HS2ST1: variants seen among roughly 807,000 people sequenced by gnomAD.
HS2ST1 encodes heparan sulfate 2-O-sulfotransferase 1, also known as 2-O-sulfotransferase.
HS2ST1 carries 18 observed loss-of-function variants against 42.9 expected under a neutral mutation model. That is an observed-to-expected ratio of 0.42 (90% CI 0.29 to 0.62). The LOEUF is 0.62. HS2ST1 is among the 20% of genes least tolerant of loss of function. The pLI, the probability that HS2ST1 is intolerant of heterozygous loss-of-function variation, is 0.21. For synonymous variants in HS2ST1, 146 were observed against 152.9 expected, an observed-to-expected ratio of 0.95 and a Z score of 0.33; for missense variants, 334 against 433.8, an observed-to-expected ratio of 0.77 and a Z score of 2.04.
At chr1:87,097,543 G>A (rs538254029) in intron 4 of HS2ST1, among the ~76,000 whole-genome samples, 14 of 152,172 alleles carry the variant, frequency 9.2e-5, no homozygotes, top group African/African-American at 2.9e-4. Context: ...ACAGGCGCGT[G>A]CTACCACGCC....
In HS2ST1 at chr1:87,027,735, T is replaced by A. The variant is rs1650124970; in HGVS notation, c.125-45199T>A. On this transcript the variant is annotated intron_variant, in intron 1 of 6. Transcript: ENST00000370550. ...GACAGGGTCTCACTGTCACCCAGAC[T>A]GGAATGCAGTGGCACGATCTTGGCT... 4.6e-5 allele frequency among the ~76,000 whole-genome samples: 7 copies of A among 152,350 alleles called. No homozygotes were observed. In the South Asian group the frequency reaches 1.4e-3, roughly 32 times the overall value.
At chr1:87,098,035 G>C (rs1348369874) in intron 5 of HS2ST1, 100 bp downstream of exon 5, 8 of 1,537,460 alleles carry the variant, frequency 5.2e-6, no homozygotes, top group Admixed American at 2.1e-5. Flanking sequence ...ATCGGTGAAA[G>C]ACTAGACTAA....
intron 6 of HS2ST1, 131 bp downstream of exon 6, chr1:87,103,720 C>T (rs575891220): frequency 1.8e-4 from 124 of 696,530 alleles, no homozygotes; most frequent in Non-Finnish European, 2.6e-4. Context: ...GGTATCTTGT[C>T]GGTTTCTGCT....
intron 1 of HS2ST1, among the ~76,000 whole-genome samples, chr1:86,939,225 TTTCATATCACAC>T (rs1269237159): frequency 6.6e-6 from 1 of 152,216 alleles, no homozygotes; most frequent in Admixed American, 6.5e-5. Context: ...AAAACAAATG[TTTCATATCACAC>T]TTACTTTAGA....
At chr1:86,918,396 A>G (rs1305548725) in intron 1 of HS2ST1, among the ~76,000 whole-genome samples, 3 of 152,126 alleles carry the variant, frequency 2.0e-5, no homozygotes, top group African/African-American at 7.2e-5. Context: ...ATAATATTCC[A>G]AAGTATGCAT....
Position 87,004,493 on chromosome 1 carries a change from ATATATT to A in HS2ST1, c.125-68435_125-68430del, listed in dbSNP as rs1415594547. Among the ~76,000 whole-genome samples, 3 of 152,184 alleles carry A rather than the reference ATATATT, an allele frequency of 2.0e-5. No homozygotes were observed. In the East Asian group the frequency reaches 5.8e-4, roughly 29 times the overall value. ...ATTTTTTTCCTTACCCTTTTGACAT[ATATATT>A]TATATATAACATTGTTAAGGGGCTG... On this transcript the variant is annotated intron_variant, in intron 1 of 6. Transcript: ENST00000370550.
intron 1 of HS2ST1, among the ~76,000 whole-genome samples, chr1:87,059,984 C>T (rs946399086): frequency 1.3e-5 from 2 of 152,234 alleles, no homozygotes; most frequent in Admixed American, 1.3e-4. Context: ...TATAGTAACC[C>T]ATAAATAAGT....
intron 1 of HS2ST1, among the ~76,000 whole-genome samples, chr1:87,011,961 T>C (rs1376391816): frequency 2.0e-5 from 3 of 152,252 alleles, no homozygotes; most frequent in African/African-American, 7.2e-5. Context: ...GTTCAATTTA[T>C]TTTTTGTATT....
chr1:86,957,493 G>GTC (rs1163121022), intron 1 of HS2ST1, among the ~76,000 whole-genome samples: 1 of 152,110 alleles, frequency 6.6e-6, no homozygotes, highest in Non-Finnish European at 1.5e-5. Context: ...AATTGCTAAG[G>GTC]TCTCTGCTCT....
chr1:87,098,252 T>C (rs531534270), intron 5 of HS2ST1: 2 of 1,029,998 alleles, frequency 1.9e-6, no homozygotes, highest in East Asian at 9.7e-5. Flanking sequence ...ATAAATCTTA[T>C]TTTGTCCAAA....
Position 87,046,301 on chromosome 1 carries a change from CTG to C in HS2ST1, c.125-26631_125-26630del, listed in dbSNP as rs1650663742. Reference sequence around the variant, plus strand: ...AGCCAACCCAGAGAACCTCTCCTGACTGTACAATTTGTAACACACCTTCAGAA... The same window carrying C: ...AGCCAACCCAGAGAACCTCTCCTGACTACAATTTGTAACACACCTTCAGAA... On this transcript the variant is annotated intron_variant, in intron 1 of 6. Transcript: ENST00000370550. 14 of 732,604 alleles carry C rather than the reference CTG, an allele frequency of 1.9e-5. 1 individual carries two copies. Among genetic ancestry groups the C allele is most frequent in the South Asian group, 1.2e-4 (9 of 74,366 alleles). The allele number at this position is 732,604 out of a possible 1,614,324, so 45.4% of individuals were successfully genotyped here.
chr1:87,005,515 A>G lies in HS2ST1; in HGVS notation c.125-67419A>G, dbSNP rs149679761. 1.8e-3 allele frequency among the ~76,000 whole-genome samples: 279 copies of G among 152,302 alleles called. 3 individuals are homozygous for G. Among genetic ancestry groups the G allele is most frequent in the African/African-American group, 5.6e-3 (233 of 41,582 alleles). On this transcript the variant is annotated intron_variant, in intron 1 of 6. Transcript: ENST00000370550. Reference sequence around the variant, plus strand: ...TTTAGTGTATAAATAAACATCAGTGATTTACATTGTTGGCAAAATAATAAC... The same window carrying G: ...TTTAGTGTATAAATAAACATCAGTGGTTTACATTGTTGGCAAAATAATAAC...
chr1:86,938,554 G>T (rs1473717426), intron 1 of HS2ST1, among the ~76,000 whole-genome samples: 1 of 151,854 alleles, frequency 6.6e-6, no homozygotes, highest in African/African-American at 2.4e-5. Flanking sequence ...TTTTTTGATA[G>T]TTATGGAAAA....
chr1:86,930,578 A>G (rs1256729328), intron 1 of HS2ST1, among the ~76,000 whole-genome samples: 1 of 151,920 alleles, frequency 6.6e-6, no homozygotes, highest in East Asian at 1.9e-4. Flanking sequence ...TTATTAAAGG[A>G]CCTTACCATT....
intron 1 of HS2ST1, among the ~76,000 whole-genome samples, chr1:86,952,165 T>G (rs1310230593): frequency 6.6e-6 from 1 of 152,224 alleles, no homozygotes; most frequent in Non-Finnish European, 1.5e-5. Flanking sequence ...TCTAGAACGT[T>G]TTCAGTTTAC....
At chr1:86,961,916 T>A (rs1307206245) in intron 1 of HS2ST1, among the ~76,000 whole-genome samples, 1 of 152,174 alleles carries the variant, frequency 6.6e-6, no homozygotes, top group Non-Finnish European at 1.5e-5. Context: ...GTCTCAAGAT[T>A]CATCCAAGTT....
At chr1:86,973,664 A>G (rs1043090751) in intron 1 of HS2ST1, among the ~76,000 whole-genome samples, 13 of 152,292 alleles carry the variant, frequency 8.5e-5, no homozygotes, top group Non-Finnish European at 1.6e-4. Context: ...GGATGAAGGA[A>G]ATATCTTCTA....
At chr1:86,929,648 G>A (rs1660499904) in intron 1 of HS2ST1, among the ~76,000 whole-genome samples, 1 of 151,638 alleles carries the variant, frequency 6.6e-6, no homozygotes, top group Non-Finnish European at 1.5e-5. Context: ...GTGTTTATGT[G>A]CGTATACATA....
chr1:87,073,527 GA>G (rs531910078), intron 2 of HS2ST1, among the ~76,000 whole-genome samples: 285 of 152,062 alleles, frequency 1.9e-3, no homozygotes, highest in Non-Finnish European at 3.4e-3. Context: ...ATATTTGATG[GA>G]TACTTGTATT....
Sources: allele counts gnomAD v4.1 joint callset (sites outside exome capture counted in the v4.1 genomes callset), GRCh38; gene constraint gnomAD v4.1.1; transcripts MANE v1.5; gene names NCBI Gene and HGNC (gene_info 2026-07-23, HGNC 2026-07-21).